The following XPO4 variants were observed in gnomAD, a reference collection of about 807,000 sequenced individuals.
XPO4 encodes the protein exportin 4.
XPO4 carries 39 observed loss-of-function variants against 143.0 expected under a neutral mutation model. That is an observed-to-expected ratio of 0.27 (90% CI 0.21 to 0.36). The LOEUF (loss-of-function observed/expected upper bound fraction) is 0.36. XPO4 is among the 10% of genes least tolerant of loss of function. XPO4 has a pLI of 1.00. For synonymous variants in XPO4, 439 were observed against 474.0 expected (o/e 0.93, Z 0.96); for missense variants, 907 against 1,348.0 (o/e 0.67, Z 5.12).
intron 6 of XPO4, among the ~76,000 whole-genome samples, chr13:20,829,767 G>A (rs1351672556): frequency 6.6e-6 from 1 of 152,080 alleles, no homozygotes; most frequent in Admixed American, 6.6e-5. Flanking sequence ...ACAGCAAGGG[G>A]GGCAACAGTG....
intron 15 of XPO4, 23 bp from the exon 16 acceptor site, chr13:20,799,362 A>G: frequency 6.2e-7 from 1 of 1,605,232 alleles, no homozygotes; most frequent in Non-Finnish European, 8.5e-7. Context: ...ATAACAAAAC[A>G]TAAGATGTAT....
At chr13:20,822,998 G>A (rs771098688) in intron 7 of XPO4, among the ~76,000 whole-genome samples, 1 of 152,138 alleles carries the variant, frequency 6.6e-6, no homozygotes, top group Non-Finnish European at 1.5e-5. Context: ...GAATGCTCTT[G>A]AAATACTGCT....
At chr13:20,853,612 C>T (rs571867508) in intron 4 of XPO4, among the ~76,000 whole-genome samples, 111 of 152,210 alleles carry the variant, frequency 7.3e-4, no homozygotes, top group African/African-American at 2.6e-3. Context: ...AAGATTCAAA[C>T]ATATATACTT....
At chr13:20,799,490 T>G in intron 15 of XPO4, 151 bp from the exon 16 acceptor site, 1 of 631,622 alleles carries the variant, frequency 1.6e-6, no homozygotes, top group Non-Finnish European at 2.5e-6. Context: ...GACTTTGAAG[T>G]CACAGGCTTA....
chr13:20,900,786 A>G (rs563663387), intron 1 of XPO4, among the ~76,000 whole-genome samples: 23 of 133,890 alleles, frequency 1.7e-4, no homozygotes, highest in Non-Finnish European at 3.7e-4. Flanking sequence ...TAATTTTTAT[A>G]TTTTTAGTAG....
At chr13:20,901,384 C>T (rs868054404) in intron 1 of XPO4, among the ~76,000 whole-genome samples, 5 of 152,144 alleles carry the variant, frequency 3.3e-5, no homozygotes, top group Admixed American at 1.3e-4. Context: ...CATACTCCTT[C>T]CAGAATCCAA....
intron 13 of XPO4, among the ~76,000 whole-genome samples, chr13:20,805,461 C>A (rs991484668): frequency 6.6e-6 from 1 of 152,176 alleles, no homozygotes; most frequent in Non-Finnish European, 1.5e-5. Context: ...TCTTGCTGTT[C>A]TTGAACATGC....
intron 9 of XPO4, among the ~76,000 whole-genome samples, chr13:20,812,546 A>T (rs910157923): frequency 6.6e-6 from 1 of 152,140 alleles, no homozygotes; most frequent in African/African-American, 2.4e-5. Context: ...TAAAAAAAAA[A>T]CTTTCAACTA....
chr13:20,870,274 C>CA (rs1233644595), intron 1 of XPO4, among the ~76,000 whole-genome samples: 4 of 149,256 alleles, frequency 2.7e-5, no homozygotes, highest in Non-Finnish European at 5.9e-5. Context: ...ACTAAAAATA[C>CA]AAAAAAATTA....
chr13:20,874,101 C>CT (rs1445204757), intron 1 of XPO4, among the ~76,000 whole-genome samples: 3 of 152,158 alleles, frequency 2.0e-5, no homozygotes, highest in Non-Finnish European at 4.4e-5. Flanking sequence ...TTTGAACCTC[C>CT]TTAAGTATTA....
intron 2 of XPO4, among the ~76,000 whole-genome samples, chr13:20,864,778 G>C (rs546904990): frequency 6.6e-6 from 1 of 151,504 alleles, no homozygotes; most frequent in African/African-American, 2.4e-5. Context: ...AGACACAAAA[G>C]TTTCTTAATT....
intron 1 of XPO4, among the ~76,000 whole-genome samples, chr13:20,894,563 G>A (rs1383665345): frequency 6.6e-6 from 1 of 151,280 alleles, no homozygotes; most frequent in Non-Finnish European, 1.5e-5. Context: ...TTTTTTGGCC[G>A]GGTGTGGTGG....
At chr13:20,786,891 C>T (rs1030255144) in intron 22 of XPO4, 74 bp downstream of exon 22, 1 of 1,244,852 alleles carries the variant, frequency 8.0e-7, no homozygotes, top group East Asian at 2.7e-5. Flanking sequence ...GGATTAATGA[C>T]CCACCATCTA....
intron 20 of XPO4, among the ~76,000 whole-genome samples, 194 bp from the exon 21 acceptor site, chr13:20,787,792 G>C (rs894139133): frequency 2.6e-5 from 4 of 152,142 alleles, no homozygotes; most frequent in Admixed American, 1.3e-4. Context: ...TGCCTATAAG[G>C]TTTTTGGGTT....
At chr13:20,800,058 G>T in intron 15 of XPO4, 98 bp downstream of exon 15, 1 of 1,383,654 alleles carries the variant, frequency 7.2e-7, no homozygotes, top group Non-Finnish European at 9.7e-7. Flanking sequence ...TTAGGACCGT[G>T]TAACCATTTG....
At chr13:20,837,793 AC>A (rs1292740820) in intron 6 of XPO4, among the ~76,000 whole-genome samples, 5 of 152,144 alleles carry the variant, frequency 3.3e-5, no homozygotes, top group African/African-American at 9.7e-5. Flanking sequence ...AAAAGTGGAA[AC>A]CCCTGATAAA....
chr13:20,882,109 CAAAA>C (rs35404161), intron 1 of XPO4, among the ~76,000 whole-genome samples: 3 of 93,368 alleles, frequency 3.2e-5, no homozygotes, highest in Non-Finnish European at 6.0e-5. Flanking sequence ...GACTCGGTCT[CAAAA>C]AAAAAAAAAA....
intron 1 of XPO4, among the ~76,000 whole-genome samples, chr13:20,897,506 T>C (rs949129342): frequency 6.6e-6 from 1 of 152,206 alleles, no homozygotes; most frequent in Non-Finnish European, 1.5e-5. Flanking sequence ...TTGTACCTAC[T>C]TCTATTATAA....
chr13:20,860,316 C>T (rs2060185468), intron 3 of XPO4, among the ~76,000 whole-genome samples: 1 of 152,110 alleles, frequency 6.6e-6, no homozygotes, highest in Non-Finnish European at 1.5e-5. Flanking sequence ...ACACAGAGGC[C>T]CTAAGGCTTA....
Sources: allele counts gnomAD v4.1 joint callset (sites outside exome capture counted in the v4.1 genomes callset), GRCh38; gene constraint gnomAD v4.1.1; transcripts MANE v1.5; gene names NCBI Gene and HGNC (gene_info 2026-07-23, HGNC 2026-07-21).